SLC25A3: variants seen among roughly 807,000 people sequenced by gnomAD.
SLC25A3 encodes solute carrier family 25 member 3, also known as phosphate transport protein.
A neutral mutation model predicts 37.1 loss-of-function variants in SLC25A3; 14 were observed. That is an observed-to-expected ratio of 0.38 (90% CI 0.25 to 0.59). The LOEUF (loss-of-function observed/expected upper bound fraction) is 0.59, where lower values mean the gene tolerates loss of function less well. SLC25A3 is among the 20% of genes least tolerant of loss of function. SLC25A3 has a pLI of 0.67. For missense variants in SLC25A3, 385 were observed against 458.1 expected (o/e 0.84, Z 1.46); for synonymous variants, 161 against 168.7 (o/e 0.95, Z 0.36).
chr12:98,604,287 T>C lies in SLC25A3; in HGVS notation c.*2759T>C, dbSNP rs1366672889. ...AAATATATATATATATATATATATA[T>C]GAAGCTGATAGTTGAATTATGTTGA... On this transcript the variant is annotated 3_prime_UTR_variant, in exon 8 of 8. Transcript: ENST00000552981. The C allele has an allele frequency of 1.4e-5, 2 of 144,382 alleles. No homozygotes were observed. The highest frequency in any genetic ancestry group is 3.0e-5 in the Non-Finnish European group (2 of 66,054). 8.9% of individuals were successfully genotyped at this position (144,382 alleles called of 1,614,324 possible).
intron 3 of SLC25A3, among the ~76,000 whole-genome samples, chr12:98,596,437 A>G (rs571568199): frequency 3.3e-5 from 5 of 152,358 alleles, no homozygotes; most frequent in South Asian, 4.1e-4. Context: ...AATTTGAAAT[A>G]TTAGGAGGGA....
intron 2 of SLC25A3, chr12:98,594,412 C>T (rs927026848): frequency 1.4e-6 from 1 of 694,874 alleles, no homozygotes; most frequent in African/African-American, 1.8e-5. Flanking sequence ...AGCTCTTTCT[C>T]CGCCGTGAGC....
intron 3 of SLC25A3, among the ~76,000 whole-genome samples, chr12:98,596,255 G>A (rs1301262324): frequency 1.3e-5 from 2 of 152,146 alleles, no homozygotes; most frequent in Non-Finnish European, 1.5e-5. Flanking sequence ...TATTTAAAGT[G>A]CTCTTAATAT....
intron 3 of SLC25A3, 63 bp downstream of exon 3, chr12:98,595,911 TAAATG>T (rs567349628): frequency 4.8e-6 from 7 of 1,467,994 alleles, no homozygotes; most frequent in Non-Finnish European, 5.7e-6. Context: ...AATAAAATCT[TAAATG>T]AGAATTTGAA....
rs1025157987 is a variant in SLC25A3, at chr12:98,604,405, T to C, written c.*2877T>C. The C allele has an allele frequency of 6.6e-6, 1 of 151,818 alleles. No homozygotes were observed. Among genetic ancestry groups the C allele is most frequent in the Non-Finnish European group, 1.5e-5 (1 of 67,982 alleles). 9.4% of individuals were successfully genotyped at this position (151,818 alleles called of 1,614,324 possible). A position where few individuals can be genotyped will look rare whatever the true frequency, so the allele number is the denominator to read the frequency against. Reference sequence around the variant, plus strand: ...GCCAAGGAATCCTGATTTTATGAAATTATGCCTTCTGATAGGTGCAACAAA... The same window carrying C: ...GCCAAGGAATCCTGATTTTATGAAACTATGCCTTCTGATAGGTGCAACAAA... On this transcript the variant is annotated 3_prime_UTR_variant, in exon 8 of 8. Coordinates refer to ENST00000552981, the MANE Select transcript of SLC25A3 (RefSeq NM_002635.4).
rs987233911 is a variant in SLC25A3, at chr12:98,602,227, C to G, written c.*699C>G. 1 of 152,028 alleles carries G rather than the reference C, an allele frequency of 6.6e-6. No individual in the cohort carries two copies. The highest frequency in any genetic ancestry group is 2.4e-5 in the African/African-American group (1 of 41,286). The allele number at this position is 152,028 out of a possible 1,614,324, so 9.4% of individuals were successfully genotyped here. A position where few individuals can be genotyped will look rare whatever the true frequency, so the allele number is the denominator to read the frequency against. ...TGTTGCCCAGACGAGTGTAGTGTCG[C>G]GATCTCGCCTCACGGCAACCTCTGC... is the stretch of plus-strand genomic sequence containing the variant. On this transcript the variant is annotated 3_prime_UTR_variant, in exon 8 of 8. Transcript: ENST00000552981.
rs1172377838 is a variant in SLC25A3, at chr12:98,602,779, T to C, written c.*1251T>C. 6.6e-6 allele frequency: 1 copy of C among 152,230 alleles called. No individual in the cohort carries two copies. Among genetic ancestry groups the C allele is most frequent in the African/African-American group, 2.4e-5 (1 of 41,466 alleles). The allele number at this position is 152,230 out of a possible 1,614,324, so 9.4% of individuals were successfully genotyped here. On this transcript the variant is annotated 3_prime_UTR_variant, in exon 8 of 8. Transcript: ENST00000552981. ...TGTTTTTCAAACACTAGATTTTACC[T>C]AGAGTCCTTATGTGTAATACGTGGG...
intron 3 of SLC25A3, 54 bp from the exon 4 acceptor site, chr12:98,597,802 T>G: frequency 6.3e-7 from 1 of 1,595,666 alleles, no homozygotes; most frequent in East Asian, 2.2e-5. Context: ...GAGATTAAAT[T>G]TTTATGTTAG....
chr12:98,595,212 T>G (rs764660703), intron 2 of SLC25A3: 9 of 560,062 alleles, frequency 1.6e-5, no homozygotes, highest in Non-Finnish European at 2.9e-5. Context: ...AAAAAATTAA[T>G]ATGGCAGAAT....
At chr12:98,596,973 C>T (rs2097593524) in intron 3 of SLC25A3, among the ~76,000 whole-genome samples, 1 of 152,234 alleles carries the variant, frequency 6.6e-6, no homozygotes, top group Middle Eastern at 3.4e-3. Flanking sequence ...GAGCTGAGAT[C>T]ACACCATGGC....
intron 4 of SLC25A3, 179 bp downstream of exon 4, chr12:98,598,214 A>T: frequency 1.4e-6 from 1 of 694,452 alleles, no homozygotes; most frequent in East Asian, 2.7e-5. Context: ...TATTTCATTA[A>T]ATTACAATTC....
At chr12:98,601,082 A>G in intron 6 of SLC25A3, 89 bp from the exon 7 acceptor site, 1 of 1,451,128 alleles carries the variant, frequency 6.9e-7, no homozygotes, top group African/African-American at 1.4e-5. Context: ...AACTAGAAAA[A>G]TATTATTTTA....
Position 98,595,761 on chromosome 12 carries a change from T to G in SLC25A3, c.192T>G (p.Tyr64Ter). 1 of 1,614,230 alleles carries G rather than the reference T, an allele frequency of 6.2e-7. No individual in the cohort carries two copies. ...GTGAATTTGGCTCCGCGAAGTATTA[T>G]GCACTGTGTGGCTTTGGTGGGGTCT... ...YSCEFGSAKY[Y>*]ALCGFGGVLS... is the part of the protein sequence containing the mutation. Residue 64 changes from tyrosine (Y) to a stop codon, truncating the protein, a stop_gained, in exon 3 of 8, where the codon TAT (tyrosine) becomes TAG (stop). Transcript: ENST00000552981. LOFTEE classifies it high-confidence loss of function.
chr12:98,599,629 G>T, intron 5 of SLC25A3: 1 of 544,606 alleles, frequency 1.8e-6, no homozygotes, highest in Non-Finnish European at 3.6e-6. Flanking sequence ...GAATTTCCAT[G>T]ACCACAACAT....
chr12:98,596,356 A>T (rs1373959181), intron 3 of SLC25A3, among the ~76,000 whole-genome samples: 3 of 152,242 alleles, frequency 2.0e-5, no homozygotes, highest in Non-Finnish European at 4.4e-5. Context: ...GATCATTGAA[A>T]CAAAAACAAG....
chr12:98,593,772 G>A (rs988297917), intron 1 of SLC25A3, 32 bp downstream of exon 1: 1 of 617,640 alleles, frequency 1.6e-6, no homozygotes, highest in South Asian at 1.9e-5. Flanking sequence ...CCTGTGGCGG[G>A]TGTGGGGAGC....
chr12:98,595,603 T>A (rs1263963628), intron 2 of SLC25A3, 124 bp from the exon 3 acceptor site: 2 of 1,613,170 alleles, frequency 1.2e-6, no homozygotes, highest in Admixed American at 3.3e-5. Context: ...CATGACTGAC[T>A]GTTAAGTTAT....
At position 98,601,747 on chromosome 12, in the gene SLC25A3, AT is replaced by A. The variant is rs1217707450; in HGVS notation, c.*222del. The A allele has an allele frequency of 5.5e-6, 3 of 548,318 alleles. No homozygotes were observed. The African/African-American group carries it at 5.7e-5, about 10-fold the overall frequency. 34.0% of individuals were successfully genotyped at this position (548,318 alleles called of 1,614,324 possible). ...TATTTTTAAAACTTTTTTAAAAAAG[AT>A]TTAGCTTTAAAATAGTTGGAAAGAA... is the stretch of plus-strand genomic sequence containing the variant. On this transcript the variant is annotated 3_prime_UTR_variant, in exon 8 of 8. Coordinates refer to ENST00000552981, the MANE Select transcript of SLC25A3 (RefSeq NM_002635.4).
chr12:98,596,911 C>A (rs769856155), intron 3 of SLC25A3, among the ~76,000 whole-genome samples: 1 of 151,972 alleles, frequency 6.6e-6, no homozygotes, highest in African/African-American at 2.4e-5. Flanking sequence ...CGCAGCTACT[C>A]GGGAGGCTGA....
Sources: allele counts gnomAD v4.1 joint callset (sites outside exome capture counted in the v4.1 genomes callset), GRCh38; gene constraint gnomAD v4.1.1; transcripts MANE v1.5; gene names NCBI Gene and HGNC (gene_info 2026-07-23, HGNC 2026-07-21).